The following PPP2R2A variants were observed in gnomAD, a reference collection of about 807,000 sequenced individuals.
PPP2R2A encodes the protein protein phosphatase 2 regulatory subunit Balpha, also known as serine/threonine-protein phosphatase 2A 55 kDa regulatory subunit B alpha isoform.
A neutral mutation model predicts 53.2 loss-of-function variants in PPP2R2A; 9 were observed. That is an observed-to-expected ratio of 0.17 (90% confidence interval 0.10 to 0.30). PPP2R2A has a LOEUF of 0.30. Ranked by LOEUF, PPP2R2A falls within the 10% of genes least tolerant of loss-of-function variation. The pLI is 1.00. For missense variants in PPP2R2A, 235 were observed against 534.6 expected, an observed-to-expected ratio of 0.44 and a Z score of 5.53; for synonymous variants, 169 against 174.2, an observed-to-expected ratio of 0.97 and a Z score of 0.23.
intron 2 of PPP2R2A, among the ~76,000 whole-genome samples, chr8:26,301,589 T>C (rs1410096834): frequency 2.0e-5 from 3 of 152,142 alleles, no homozygotes; most frequent in Non-Finnish European, 4.4e-5. Context: ...ATGTGCTATA[T>C]ATAGATGGGT....
chr8:26,349,864 A>G (rs932097773), intron 3 of PPP2R2A, among the ~76,000 whole-genome samples: 1 of 152,188 alleles, frequency 6.6e-6, no homozygotes, highest in South Asian at 2.1e-4. Context: ...TTGCTGTACA[A>G]TCATGAGTAG....
chr8:26,328,141 C>T (rs1341942099), intron 2 of PPP2R2A, among the ~76,000 whole-genome samples: 1 of 152,120 alleles, frequency 6.6e-6, no homozygotes, highest in Non-Finnish European at 1.5e-5. Flanking sequence ...TTTTTCAGAG[C>T]CTCAGTTTAC....
chr8:26,320,282 A>C (rs137926003), intron 2 of PPP2R2A, among the ~76,000 whole-genome samples: 8 of 152,208 alleles, frequency 5.3e-5, no homozygotes, highest in Admixed American at 3.9e-4. Flanking sequence ...TTATTTGGCA[A>C]ACTCTACATG....
At chr8:26,299,518 A>G (rs1307065071) in intron 2 of PPP2R2A, among the ~76,000 whole-genome samples, 1 of 152,190 alleles carries the variant, frequency 6.6e-6, no homozygotes, top group Non-Finnish European at 1.5e-5. Context: ...TACTTTTGGT[A>G]GGATTTAGCC....
At chr8:26,343,955 G>T (rs1054833542) in intron 3 of PPP2R2A, among the ~76,000 whole-genome samples, 1 of 152,160 alleles carries the variant, frequency 6.6e-6, no homozygotes, top group Non-Finnish European at 1.5e-5. Context: ...CCTGGGTTCT[G>T]TCATTGGACC....
chr8:26,292,033 G>C, intron 1 of PPP2R2A: 1 of 1,247,264 alleles, frequency 8.0e-7, no homozygotes, highest in Non-Finnish European at 1.0e-6. Context: ...CTTGGAGAAC[G>C]GGGCTGGCGC....
intron 2 of PPP2R2A, among the ~76,000 whole-genome samples, chr8:26,322,302 T>C (rs1171004498): frequency 6.6e-6 from 1 of 152,170 alleles, no homozygotes; most frequent in Non-Finnish European, 1.5e-5. Flanking sequence ...ATAAGGAACA[T>C]AGCATTTGTT....
chr8:26,351,203 C>T (rs769319977), intron 3 of PPP2R2A, among the ~76,000 whole-genome samples: 3 of 151,788 alleles, frequency 2.0e-5, no homozygotes, highest in East Asian at 1.9e-4. Flanking sequence ...AAGACATTTC[C>T]GTTATCTTTT....
chr8:26,363,996 C>T (rs777345088), intron 8 of PPP2R2A, 106 bp downstream of exon 8: 26 of 1,023,596 alleles, frequency 2.5e-5, no homozygotes, highest in Non-Finnish European at 3.5e-5. Flanking sequence ...TGTTTGTTCA[C>T]CATTAGGCCT....
At chr8:26,306,789 A>G (rs775186012) in intron 2 of PPP2R2A, among the ~76,000 whole-genome samples, 1 of 152,184 alleles carries the variant, frequency 6.6e-6, no homozygotes, top group Admixed American at 6.5e-5. Context: ...GGTTGCAGTA[A>G]GCCATGATCG....
chr8:26,370,446 T>C lies in PPP2R2A; in HGVS notation c.*33T>C. 1.2e-6 allele frequency: 2 copies of C among 1,602,882 alleles called. No homozygotes were observed. Among genetic ancestry groups the C allele is most frequent in the Non-Finnish European group, 1.7e-6 (2 of 1,171,654 alleles). On this transcript the variant is annotated 3_prime_UTR_variant, in exon 10 of 10. Coordinates refer to ENST00000380737, the MANE Select transcript of PPP2R2A (RefSeq NM_002717.4). The surrounding 1 kb of genome is among the most constrained non-coding windows in gnomAD (Gnocchi z 6.1). ...ATTCCTAGCAGAAGAACCCACTTCC[T>C]GCTTAGTTGAGATAGTTGAATCTAG...
chr8:26,314,446 T>A (rs1446962396), intron 2 of PPP2R2A, among the ~76,000 whole-genome samples: 2 of 152,060 alleles, frequency 1.3e-5, no homozygotes, highest in African/African-American at 4.8e-5. Flanking sequence ...AGCTCCTTGT[T>A]CTTGGATCTC....
Position 26,360,863 on chromosome 8 carries a change from T to G in PPP2R2A, c.460-111T>G. The G allele has an allele frequency of 9.8e-7, 1 of 1,019,688 alleles. No homozygotes were observed. Among genetic ancestry groups the G allele is most frequent in the Non-Finnish European group, 1.4e-6 (1 of 713,332 alleles). The allele number at this position is 1,019,688 out of a possible 1,614,324, so 63.2% of individuals were successfully genotyped here. Reference sequence around the variant, plus strand: ...TTTTTAAAACTAAATCTATGTAATATTGTTCTATTTTATGTTCTCAAAAAC... The same window carrying G: ...TTTTTAAAACTAAATCTATGTAATAGTGTTCTATTTTATGTTCTCAAAAAC... On this transcript the variant is annotated intron_variant, in intron 5 of 9. Coordinates refer to ENST00000380737, the MANE Select transcript of PPP2R2A (RefSeq NM_002717.4). This position sits in a 1 kb window ranked among gnomAD's most constrained non-coding sequence, Gnocchi z 4.5.
At chr8:26,324,013 T>G (rs985513847) in intron 2 of PPP2R2A, among the ~76,000 whole-genome samples, 1 of 152,224 alleles carries the variant, frequency 6.6e-6, no homozygotes, top group Non-Finnish European at 1.5e-5. Flanking sequence ...TCCACTGCCC[T>G]TTTACCGTGG....
intron 3 of PPP2R2A, among the ~76,000 whole-genome samples, chr8:26,346,812 A>G (rs999267692): frequency 6.6e-6 from 1 of 152,226 alleles, no homozygotes; most frequent in South Asian, 2.1e-4. Flanking sequence ...TATCAGGGGT[A>G]TGGAGGACTT....
At chr8:26,293,445 T>C (rs1801399938) in intron 1 of PPP2R2A, 3 of 706,086 alleles carry the variant, frequency 4.2e-6, no homozygotes, top group Non-Finnish European at 6.9e-6. Context: ...CCACAGAACA[T>C]GTGCCTTTAA....
intron 2 of PPP2R2A, among the ~76,000 whole-genome samples, chr8:26,302,716 C>G (rs1026392147): frequency 6.6e-6 from 1 of 152,150 alleles, no homozygotes; most frequent in Admixed American, 6.5e-5. Context: ...TATTGTGGTG[C>G]AGTACATTGA....
intron 2 of PPP2R2A, among the ~76,000 whole-genome samples, chr8:26,316,162 G>A (rs1035874774): frequency 6.6e-5 from 10 of 151,984 alleles, no homozygotes; most frequent in East Asian, 1.9e-4. Context: ...CTGCCACCAC[G>A]CCCGGCTAAT....
intron 4 of PPP2R2A, among the ~76,000 whole-genome samples, chr8:26,358,519 G>C (rs1223561189): frequency 1.3e-5 from 2 of 152,284 alleles, no homozygotes; most frequent in Admixed American, 1.3e-4. Flanking sequence ...AAAGTTAGCA[G>C]TTTTTCTCTG....
Sources: allele counts gnomAD v4.1 joint callset (sites outside exome capture counted in the v4.1 genomes callset), GRCh38; gene constraint gnomAD v4.1.1; non-coding constraint Gnocchi (gnomAD v3.1); transcripts MANE v1.5; gene names NCBI Gene and HGNC (gene_info 2026-07-23, HGNC 2026-07-21).